The following HMGCS2 variants were observed in gnomAD, a reference collection of about 807,000 sequenced individuals.
The protein encoded by HMGCS2 is 3-hydroxy-3-methylglutaryl-CoA synthase 2.
Under a neutral mutation model 57.4 loss-of-function variants are expected in HMGCS2, and 50 were observed. The observed-to-expected ratio is 0.87, with a 90% CI of 0.69 to 1.10. The LOEUF (loss-of-function observed/expected upper bound fraction) is 1.10, where lower values mean the gene tolerates loss of function less well. HMGCS2 is among the 50% of genes least tolerant of loss of function. The pLI is 0.00. For missense variants in HMGCS2, 627 were observed against 636.5 expected (o/e 0.99, Z 0.16); for synonymous variants, 254 against 245.1 (o/e 1.04, Z -0.34).
Position 119,757,351 on chromosome 1 carries a change from G to A in HMGCS2, c.938C>T (p.Ala313Val). The change falls in exon 5 of 10, where the codon GCT becomes GTT. Residue 313 changes from alanine to valine, a missense_variant. Coordinates refer to ENST00000369406, the MANE Select transcript of HMGCS2 (RefSeq NM_005518.4). ...CAGGAAGTCATTGAACATCAGGCGA[G>A]CCAGAGACTTCTGGACCATCTTGCA... ...PFCKMVQKSL[A>V]RLMFNDFLSA... is the part of the protein sequence containing the mutation. 1.2e-6 allele frequency: 2 copies of A among 1,614,200 alleles called. No individual in the cohort carries two copies. The highest frequency in any genetic ancestry group is 1.1e-5 in the South Asian group (1 of 91,074).
chr1:119,761,652 C>A (rs891063405), intron 2 of HMGCS2, among the ~76,000 whole-genome samples: 1 of 152,010 alleles, frequency 6.6e-6, no homozygotes, highest in Non-Finnish European at 1.5e-5. Flanking sequence ...GTAGTCCCAG[C>A]TACTCGGGAG....
At chr1:119,764,686 A>T in intron 1 of HMGCS2, 60 bp from the exon 2 acceptor site, 1 of 1,188,778 alleles carries the variant, frequency 8.4e-7, no homozygotes, top group Non-Finnish European at 1.2e-6. Context: ...TCCTCAAAAG[A>T]CAGTAACATA....
intron 1 of HMGCS2, among the ~76,000 whole-genome samples, chr1:119,765,010 C>G (rs988841313): frequency 1.3e-5 from 2 of 152,146 alleles, no homozygotes; most frequent in South Asian, 4.1e-4. Context: ...TTTAATAAGT[C>G]TAACAATAGT....
chr1:119,759,083 T>C (rs927124818), intron 4 of HMGCS2, 35 bp downstream of exon 4: 14 of 1,610,976 alleles, frequency 8.7e-6, no homozygotes, highest in Non-Finnish European at 1.2e-5. Context: ...CCTATGTAAA[T>C]AGAGCCCCCA....
chr1:119,764,405 A>G lies in HMGCS2; in HGVS notation c.326T>C (p.Val109Ala). 6.2e-7 allele frequency: 1 copy of G among 1,614,188 alleles called. No individual in the cohort carries two copies. The highest frequency in any genetic ancestry group is 8.5e-7 in the Non-Finnish European group (1 of 1,180,036). The change falls in exon 2 of 10, where the codon GTG becomes GCG. Residue 109 changes from valine to alanine, a missense_variant. Val to Ala is a moderately conservative substitution (Grantham distance 64). Coordinates refer to ENST00000369406, the MANE Select transcript of HMGCS2 (RefSeq NM_005518.4). Reference protein sequence around the residue: ...QEDINSLCLTVVQRLMERIQL... With the variant: ...QEDINSLCLTAVQRLMERIQL... ...TATGCGCTCCATCAGCCGTTGCACCACCGTCAGGCACAGGGAGTTGATGTC... is the reference window on the plus strand; with the variant it reads ...TATGCGCTCCATCAGCCGTTGCACCGCCGTCAGGCACAGGGAGTTGATGTC...
rs1404648332 is a variant in HMGCS2 at position 119,748,713 on chromosome 1, A to T, written c.*134T>A. 1.3e-5 allele frequency: 2 copies of T among 152,222 alleles called. No individual in the cohort carries two copies. Among genetic ancestry groups the T allele is most frequent in the African/African-American group, 2.4e-5 (1 of 41,452 alleles). 9.4% of individuals were successfully genotyped at this position (152,222 alleles called of 1,614,324 possible). ...GATGGCTCCTCACTCTACAGGGCTG[A>T]TGCTTATGGGGCTACTATGTCGATT... On this transcript the variant is annotated 3_prime_UTR_variant, in exon 10 of 10. Transcript: ENST00000369406.
At chr1:119,759,763 C>T (rs587715974) in intron 3 of HMGCS2, 101 bp downstream of exon 3, 162 of 1,423,736 alleles carry the variant, frequency 1.1e-4, no homozygotes, top group Non-Finnish European at 1.5e-4. Flanking sequence ...CATCCTCAAA[C>T]GCATACCTCA....
At chr1:119,768,142 G>A (rs1055252193) in intron 1 of HMGCS2, among the ~76,000 whole-genome samples, 4 of 152,306 alleles carry the variant, frequency 2.6e-5, no homozygotes, top group Admixed American at 2.6e-4. Context: ...CGATAGCTGT[G>A]TTACCATCAT....
chr1:119,753,239 T>G, intron 7 of HMGCS2, 41 bp downstream of exon 7: 1 of 1,203,408 alleles, frequency 8.3e-7, no homozygotes, highest in Non-Finnish European at 1.2e-6. Context: ...TTCTACCAGA[T>G]GAATCTTGTC....
intron 2 of HMGCS2, among the ~76,000 whole-genome samples, chr1:119,763,329 C>A (rs1199565144): frequency 1.3e-5 from 2 of 152,124 alleles, no homozygotes; most frequent in Middle Eastern, 3.2e-3. Flanking sequence ...GGTTTTTAAT[C>A]CTAGTTTCAA....
intron 1 of HMGCS2, among the ~76,000 whole-genome samples, chr1:119,765,165 G>A (rs1265136840): frequency 6.6e-6 from 1 of 152,158 alleles, no homozygotes; most frequent in Non-Finnish European, 1.5e-5. Context: ...CTGGAGTGCA[G>A]TGGCGTGATC....
At chr1:119,766,726 C>T (rs1159253232) in intron 1 of HMGCS2, among the ~76,000 whole-genome samples, 1 of 152,138 alleles carries the variant, frequency 6.6e-6, no homozygotes, top group African/African-American at 2.4e-5. Context: ...CTCGCTCTGA[C>T]TTCTCTGGGC....
rs747762161 is a variant in HMGCS2, at chr1:119,752,598, A to G, written c.1371T>C (p.Pro457=). ...KRLASRKCVS[P]EEFTEIMNQR... is the part of the protein sequence containing the mutation. ...GGTTCATTATTTCTGTGAACTCCTC[A>G]GGAGACACACACTTTCGGGAGGCTA... Residue 457 remains proline (P), a synonymous_variant, in exon 8 of 10, where the codon CCT becomes CCC. Transcript: ENST00000369406. 4.4e-5 allele frequency: 71 copies of G among 1,614,056 alleles called. No individual in the cohort carries two copies. The highest frequency in any genetic ancestry group is 5.8e-5 in the Non-Finnish European group (69 of 1,179,942).
In HMGCS2 at chr1:119,750,838, C is replaced by T; in HGVS notation, c.1491G>A (p.Glu497=). The part of the protein sequence containing the change: ...PGTWYLERVD[E]QHRRKYARRP... Reference sequence around the variant, plus strand: ...GCCGGGCATACTTTCGGCGATGCTGCTCGTCCACTCGCTCCAGGTACCAAG... The same window carrying T: ...GCCGGGCATACTTTCGGCGATGCTGTTCGTCCACTCGCTCCAGGTACCAAG... The change falls in exon 9 of 10, where the codon GAG becomes GAA. Residue 497 remains glutamate (E), a synonymous_variant. Coordinates refer to ENST00000369406, the MANE Select transcript of HMGCS2 (RefSeq NM_005518.4). The T allele has an allele frequency of 4.3e-6, 7 of 1,614,044 alleles. No individual in the cohort carries two copies. Among genetic ancestry groups the T allele is most frequent in the Non-Finnish European group, 5.9e-6 (7 of 1,179,940 alleles).
chr1:119,760,647 T>C (rs1301513722), intron 2 of HMGCS2, among the ~76,000 whole-genome samples: 1 of 152,238 alleles, frequency 6.6e-6, no homozygotes, highest in Non-Finnish European at 1.5e-5. Flanking sequence ...ATCAGACTAG[T>C]ATTCAATAAA....
intron 4 of HMGCS2, among the ~76,000 whole-genome samples, chr1:119,758,410 T>C (rs1187994876): frequency 1.4e-5 from 2 of 140,858 alleles, no homozygotes; most frequent in South Asian, 4.4e-4. Flanking sequence ...ACTTTTGTAC[T>C]TTTTTTTTTT....
chr1:119,768,700 TC>T (rs1430666793), intron 1 of HMGCS2, 40 bp downstream of exon 1: 1 of 1,430,934 alleles, frequency 7.0e-7, no homozygotes, highest in East Asian at 2.3e-5. Context: ...GGAAAAACTA[TC>T]TTTTACTAGT....
At chr1:119,759,377 T>C in intron 3 of HMGCS2, 95 bp from the exon 4 acceptor site, 1 of 1,254,530 alleles carries the variant, frequency 8.0e-7, no homozygotes, top group South Asian at 1.2e-5. Flanking sequence ...TTTCTGGTCA[T>C]TATCTGTGTC....
Position 119,764,384 on chromosome 1 carries a change from C to T in HMGCS2, c.347G>A (p.Arg116His), listed in dbSNP as rs147906427. 96 of 1,614,158 alleles carry T rather than the reference C, an allele frequency of 5.9e-5. No individual in the cohort carries two copies. Among genetic ancestry groups the T allele is most frequent in the African/African-American group, 5.1e-4 (38 of 75,042 alleles). Reference sequence around the variant, plus strand: ...CACAGAGTCCCATGGGAGCTGTATGCGCTCCATCAGCCGTTGCACCACCGT... The same window carrying T: ...CACAGAGTCCCATGGGAGCTGTATGTGCTCCATCAGCCGTTGCACCACCGT... The part of the protein sequence containing the change: ...CLTVVQRLME[R>H]IQLPWDSVGR... The change falls in exon 2 of 10, where the codon CGC (arginine) becomes CAC (histidine). Residue 116 changes from arginine (R) to histidine (H), a missense_variant. Coordinates refer to ENST00000369406, the MANE Select transcript of HMGCS2 (RefSeq NM_005518.4).
Sources: allele counts gnomAD v4.1 joint callset (sites outside exome capture counted in the v4.1 genomes callset), GRCh38; gene constraint gnomAD v4.1.1; transcripts MANE v1.5; gene names NCBI Gene and HGNC (gene_info 2026-07-23, HGNC 2026-07-21).